Variants in CNTN4 observed in about 807,000 individuals in gnomAD.
CNTN4 encodes the protein contactin 4, also known as contactin-4.
Under a neutral mutation model 122.5 loss-of-function variants are expected in CNTN4, and 77 were observed. That is an observed-to-expected ratio of 0.63 (90% confidence interval 0.52 to 0.76). The LOEUF (loss-of-function observed/expected upper bound fraction) is 0.76, where lower values mean the gene tolerates loss of function less well. Ranked by LOEUF, CNTN4 falls within the 30% of genes least tolerant of loss-of-function variation. The probability of loss-of-function intolerance (pLI) is 0.00; values close to 1 mark genes in which losing one functional copy is unlikely to be tolerated. For missense variants in CNTN4, 1,256 were observed against 1,259.1 expected, an observed-to-expected ratio of 1.00 and a Z score of 0.04; for synonymous variants, 512 against 447.0, an observed-to-expected ratio of 1.15 and a Z score of -1.83.
At chr3:2,184,728 A>C (rs1008990245) in intron 2 of CNTN4, among the ~76,000 whole-genome samples, 3 of 152,176 alleles carry the variant, frequency 2.0e-5, no homozygotes, top group African/African-American at 7.2e-5. Flanking sequence ...TGGAGGATGC[A>C]GCAACAGGGC....
intron 13 of CNTN4, among the ~76,000 whole-genome samples, chr3:2,948,698 CTTTA>C (rs1243936297): frequency 6.6e-6 from 1 of 152,086 alleles, no homozygotes; most frequent in African/African-American, 2.4e-5. Flanking sequence ...TAGACTTTGT[CTTTA>C]TTTACCCCAT....
chr3:2,164,816 A>C (rs1356599133), intron 2 of CNTN4, among the ~76,000 whole-genome samples: 3 of 152,328 alleles, frequency 2.0e-5, no homozygotes, highest in South Asian at 2.1e-4. Flanking sequence ...GCGTTTTGAT[A>C]CATGAAAGGA....
chr3:2,683,662 A>G (rs1182337180), intron 4 of CNTN4, among the ~76,000 whole-genome samples: 1 of 152,072 alleles, frequency 6.6e-6, no homozygotes, highest in Admixed American at 6.6e-5. Flanking sequence ...AAAATTGTGG[A>G]ACAGAACAAG....
chr3:2,418,792 A>G (rs1017340594), intron 3 of CNTN4, among the ~76,000 whole-genome samples: 5 of 152,218 alleles, frequency 3.3e-5, no homozygotes, highest in Non-Finnish European at 7.4e-5. Context: ...AATCAGTAAC[A>G]TTTTAAATCC....
At chr3:2,207,913 C>T (rs552763336) in intron 2 of CNTN4, among the ~76,000 whole-genome samples, 1 of 152,196 alleles carries the variant, frequency 6.6e-6, no homozygotes, top group Admixed American at 6.6e-5. Context: ...GAGGCCAATG[C>T]TCATTGACCA....
At chr3:2,181,874 A>C (rs1390296710) in intron 2 of CNTN4, among the ~76,000 whole-genome samples, 1 of 152,104 alleles carries the variant, frequency 6.6e-6, no homozygotes, top group African/African-American at 2.4e-5. Flanking sequence ...TGCATATGTA[A>C]AGTATAACAC....
At chr3:2,480,165 A>C (rs1263005927) in intron 3 of CNTN4, among the ~76,000 whole-genome samples, 1 of 152,256 alleles carries the variant, frequency 6.6e-6, no homozygotes, top group East Asian at 1.9e-4. Context: ...TTAACATCAT[A>C]CTTAATGGTG....
chr3:2,338,187 G>A (rs2044035740), intron 2 of CNTN4, among the ~76,000 whole-genome samples: 1 of 152,046 alleles, frequency 6.6e-6, no homozygotes. Context: ...TTAGCAATAT[G>A]AAGAATACCT....
chr3:2,281,602 A>G (rs990886617), intron 2 of CNTN4, among the ~76,000 whole-genome samples: 1 of 152,068 alleles, frequency 6.6e-6, no homozygotes, highest in Non-Finnish European at 1.5e-5. Context: ...GTCATTATAT[A>G]CCAACTGATA....
Position 2,822,944 on chromosome 3 carries a change from C to T in CNTN4, c.454+3363C>T, listed in dbSNP as rs1044315501. On this transcript the variant is annotated intron_variant, in intron 7 of 24. Transcript: ENST00000418658. ...CTATTAGAAATGGCGTGCACATTAA[C>T]GCTGTGGGCAAAGCAGGCACGGCTA... Among the ~76,000 whole-genome samples the T allele has an allele frequency of 5.3e-5, 8 of 152,150 alleles. 1 individual carries two copies. The highest frequency in any genetic ancestry group is 1.9e-4 in the East Asian group (1 of 5,178).
At chr3:2,955,608 C>A (rs1265199088) in intron 13 of CNTN4, among the ~76,000 whole-genome samples, 1 of 152,168 alleles carries the variant, frequency 6.6e-6, no homozygotes, top group East Asian at 1.9e-4. Context: ...CCTAACTAAT[C>A]ACTATAGCCA....
At chr3:2,148,321 C>T (rs2125387157) in intron 2 of CNTN4, among the ~76,000 whole-genome samples, 1 of 151,966 alleles carries the variant, frequency 6.6e-6, no homozygotes, top group South Asian at 2.1e-4. Flanking sequence ...GTCGCTTGAG[C>T]CCAGGAGTTT....
At chr3:2,564,511 T>G (rs2079076942) in intron 3 of CNTN4, among the ~76,000 whole-genome samples, 1 of 152,192 alleles carries the variant, frequency 6.6e-6, no homozygotes, top group African/African-American at 2.4e-5. Flanking sequence ...AATTAAATAT[T>G]TTTGGCATAT....
chr3:2,763,976 T>C (rs1313628826), intron 6 of CNTN4, among the ~76,000 whole-genome samples: 1 of 151,904 alleles, frequency 6.6e-6, no homozygotes, highest in Non-Finnish European at 1.5e-5. Flanking sequence ...TTTTTTTTTT[T>C]GTTCCATATG....
At chr3:2,595,602 G>T (rs1474239595) in intron 4 of CNTN4, among the ~76,000 whole-genome samples, 2 of 152,182 alleles carry the variant, frequency 1.3e-5, no homozygotes, top group Non-Finnish European at 2.9e-5. Flanking sequence ...GGCCCCCAGA[G>T]ACCCTCAGGC....
chr3:2,263,142 TAAG>T (rs1386849875), intron 2 of CNTN4, among the ~76,000 whole-genome samples: 3 of 152,288 alleles, frequency 2.0e-5, no homozygotes, highest in Non-Finnish European at 4.4e-5. Context: ...TTATGTCCTC[TAAG>T]AAGAGAAAAA....
chr3:2,876,909 G>C (rs1410093655), intron 8 of CNTN4, among the ~76,000 whole-genome samples: 2 of 152,152 alleles, frequency 1.3e-5, no homozygotes, highest in African/African-American at 2.4e-5. Context: ...TTTGCTCATA[G>C]TTAGGAAAGT....
At chr3:2,622,622 T>C (rs1576253847) in intron 4 of CNTN4, among the ~76,000 whole-genome samples, 3 of 152,172 alleles carry the variant, frequency 2.0e-5, no homozygotes, top group Admixed American at 2.0e-4. Flanking sequence ...AAATCTGGAA[T>C]ATGGGGGCAG....
intron 3 of CNTN4, among the ~76,000 whole-genome samples, chr3:2,512,571 G>C (rs1021167028): frequency 6.6e-6 from 1 of 152,152 alleles, no homozygotes; most frequent in African/African-American, 2.4e-5. Context: ...AAAGGGATTT[G>C]TGGATTTTTC....
Sources: gnomAD v4.1 joint callset for allele counts (sites outside exome capture counted in the v4.1 genomes callset) on GRCh38, gnomAD v4.1.1 for gene constraint, MANE v1.5 for transcripts, NCBI Gene and HGNC (gene_info 2026-07-23, HGNC 2026-07-21) for gene names.